Variants in STAU2 observed in about 807,000 individuals in gnomAD.
STAU2 encodes the protein staufen double-stranded RNA binding protein 2.
A neutral mutation model predicts 65.9 loss-of-function variants in STAU2; 20 were observed. That is an observed-to-expected ratio of 0.30 (90% CI 0.21 to 0.44). STAU2 has a LOEUF of 0.44. STAU2 is among the 20% of genes least tolerant of loss of function. STAU2 has a pLI of 1.00. For missense variants in STAU2, 558 were observed against 683.9 expected, an observed-to-expected ratio of 0.82 and a Z score of 2.05; for synonymous variants, 232 against 233.9, an observed-to-expected ratio of 0.99 and a Z score of 0.07.
intron 13 of STAU2, chr8:73,511,582 G>C (rs956730364): frequency 1.3e-5 from 2 of 152,988 alleles, no homozygotes; most frequent in African/African-American, 4.8e-5. Flanking sequence ...ATGATGACCA[G>C]ATGTGGGACA....
chr8:73,622,421 G>A (rs1482961001), intron 6 of STAU2, among the ~76,000 whole-genome samples: 1 of 152,072 alleles, frequency 6.6e-6, no homozygotes, highest in African/African-American at 2.4e-5. Context: ...CACCACGCCT[G>A]GCCAGGTCTT....
rs564081252 is a variant in STAU2, at chr8:73,433,926, G to A, written c.1531-11224C>T. 2.2e-4 allele frequency among the ~76,000 whole-genome samples: 34 copies of A among 151,942 alleles called. No individual in the cohort carries two copies. In the East Asian group the frequency reaches 5.2e-3, roughly 23 times the overall value. ...ACACGGCACGCTCACTCTGTGTGGC[G>A]GGCAGAATCGTAGCGCCCCAGATGC... On this transcript the variant is annotated intron_variant, in intron 13 of 14. Coordinates refer to ENST00000524300, the MANE Select transcript of STAU2 (RefSeq NM_001164380.2).
At chr8:73,506,361 C>G (rs1822065891) in intron 13 of STAU2, among the ~76,000 whole-genome samples, 1 of 152,072 alleles carries the variant, frequency 6.6e-6, no homozygotes, top group African/African-American at 2.4e-5. Context: ...AGAGACATTA[C>G]AGGTGAGGTT....
At chr8:73,542,942 G>A (rs1413292938) in intron 13 of STAU2, among the ~76,000 whole-genome samples, 1 of 152,116 alleles carries the variant, frequency 6.6e-6, no homozygotes, top group Non-Finnish European at 1.5e-5. Flanking sequence ...TTTCCCAAGA[G>A]AACTGGAAAC....
intron 5 of STAU2, among the ~76,000 whole-genome samples, chr8:73,678,130 A>C (rs1205214157): frequency 2.0e-5 from 3 of 152,066 alleles, no homozygotes; most frequent in Admixed American, 2.0e-4. Context: ...TTCACCCATA[A>C]ACTATGACAA....
At chr8:73,685,439 C>T (rs1180942646) in intron 5 of STAU2, among the ~76,000 whole-genome samples, 15 of 148,330 alleles carry the variant, frequency 1.0e-4, no homozygotes, top group African/African-American at 3.2e-4. Flanking sequence ...TGCAGTGGTG[C>T]GATCTCAGCT....
chr8:73,550,674 T>A (rs1315030763), intron 13 of STAU2: 2 of 984,854 alleles, frequency 2.0e-6, no homozygotes. Context: ...TTATTGTGTT[T>A]CTTAAGGTAA....
chr8:73,725,745 C>G (rs565573947), intron 3 of STAU2, among the ~76,000 whole-genome samples: 2 of 152,310 alleles, frequency 1.3e-5, no homozygotes, highest in African/African-American at 2.4e-5. Context: ...CCAACCTGAG[C>G]AACATGGCAA....
rs1353240948 is a variant in STAU2, at chr8:73,576,640, G to A, written c.1222+6130C>T. On this transcript the variant is annotated intron_variant, in intron 12 of 14. Transcript: ENST00000524300. The stretch of plus-strand genomic sequence containing the variant: ...TGGGTTCATGGGTGTTCATTATCTT[G>A]CTTCATAAGTTATATAAGTGTTAAA... 2.6e-5 allele frequency among the ~76,000 whole-genome samples: 4 copies of A among 152,086 alleles called. No individual in the cohort carries two copies. In the South Asian group the frequency reaches 6.2e-4, roughly 24 times the overall value.
At chr8:73,454,251 C>T (rs772196442) in intron 13 of STAU2, among the ~76,000 whole-genome samples, 2 of 152,180 alleles carry the variant, frequency 1.3e-5, no homozygotes, top group Non-Finnish European at 2.9e-5. Flanking sequence ...TGTTTTGCTA[C>T]ACATGCCAAA....
At chr8:73,513,804 A>C (rs1822549769) in intron 13 of STAU2, among the ~76,000 whole-genome samples, 1 of 152,116 alleles carries the variant, frequency 6.6e-6, no homozygotes, top group South Asian at 2.1e-4. Context: ...TTCACATTCC[A>C]TTTCATATCA....
chr8:73,694,995 T>C (rs1226268868), intron 4 of STAU2, among the ~76,000 whole-genome samples: 1 of 152,164 alleles, frequency 6.6e-6, no homozygotes, highest in African/African-American at 2.4e-5. Flanking sequence ...CAGGCTGAAG[T>C]GCTCCGGGGT....
chr8:73,592,749 C>T (rs1810915357), intron 11 of STAU2, among the ~76,000 whole-genome samples: 2 of 152,070 alleles, frequency 1.3e-5, no homozygotes, highest in African/African-American at 4.8e-5. Flanking sequence ...ATACCAGCTA[C>T]TCGGGAGGCT....
At chr8:73,677,509 G>A (rs1222992909) in intron 5 of STAU2, among the ~76,000 whole-genome samples, 1 of 152,088 alleles carries the variant, frequency 6.6e-6, no homozygotes, top group East Asian at 1.9e-4. Flanking sequence ...ACATAGCAAT[G>A]AAATACTATA....
At chr8:73,584,147 T>C (rs1810197005) in intron 11 of STAU2, among the ~76,000 whole-genome samples, 1 of 152,144 alleles carries the variant, frequency 6.6e-6, no homozygotes, top group South Asian at 2.1e-4. Flanking sequence ...GAAGAGTAAG[T>C]TGACAGTATG....
intron 13 of STAU2, among the ~76,000 whole-genome samples, chr8:73,519,412 G>C (rs972240392): frequency 6.6e-6 from 1 of 152,160 alleles, no homozygotes; most frequent in Non-Finnish European, 1.5e-5. Flanking sequence ...ATACTAATAA[G>C]GAGGCTGCCC....
In STAU2 at chr8:73,437,730, G is replaced by C. The variant is rs115800281; in HGVS notation, c.1531-15028C>G. Reference sequence around the variant, plus strand: ...GGTAAGGGTCTGGCTGAGATGCCTGGGGAGGGGAGGCTGGGCCTGAGAAGA... The same window carrying C: ...GGTAAGGGTCTGGCTGAGATGCCTGCGGAGGGGAGGCTGGGCCTGAGAAGA... On this transcript the variant is annotated intron_variant, in intron 13 of 14. Coordinates refer to ENST00000524300, the MANE Select transcript of STAU2 (RefSeq NM_001164380.2). Among the ~76,000 whole-genome samples the C allele has an allele frequency of 7.5e-3, 1,147 of 152,304 alleles. 8 individuals carry two copies. The highest frequency in any genetic ancestry group is 0.026 in the African/African-American group (1,072 of 41,556).
intron 13 of STAU2, among the ~76,000 whole-genome samples, chr8:73,457,543 A>G (rs1819133487): frequency 6.6e-6 from 1 of 152,262 alleles, no homozygotes; most frequent in Non-Finnish European, 1.5e-5. Context: ...GAGATTTGGT[A>G]CAAAAAAGAT....
intron 13 of STAU2, among the ~76,000 whole-genome samples, chr8:73,497,658 C>T (rs1821499582): frequency 6.6e-6 from 1 of 151,698 alleles, no homozygotes; most frequent in South Asian, 2.1e-4. Flanking sequence ...AGAACCTCTG[C>T]AAGTTATTTA....
Sources: gnomAD v4.1 joint callset for allele counts (sites outside exome capture counted in the v4.1 genomes callset) on GRCh38, gnomAD v4.1.1 for gene constraint, MANE v1.5 for transcripts, NCBI Gene and HGNC (gene_info 2026-07-23, HGNC 2026-07-21) for gene names.